The following SYT9 variants were observed in gnomAD, a reference collection of about 807,000 sequenced individuals.
SYT9 encodes synaptotagmin-9.
In SYT9, 22 loss-of-function variants were observed where a neutral mutation model predicts 48.4. That is an observed-to-expected ratio of 0.45 (90% confidence interval 0.32 to 0.65). SYT9 has a LOEUF of 0.65. Ranked by LOEUF, SYT9 falls within the 30% of genes least tolerant of loss-of-function variation. The pLI, the probability that SYT9 is intolerant of heterozygous loss-of-function variation, is 0.03. For synonymous variants in SYT9, 265 were observed against 245.0 expected (o/e 1.08, Z -0.76); for missense variants, 577 against 622.0 (o/e 0.93, Z 0.77).
chr11:7,350,915 A>C (rs1394687252), intron 3 of SYT9, among the ~76,000 whole-genome samples: 4 of 152,218 alleles, frequency 2.6e-5, no homozygotes, highest in African/African-American at 9.6e-5. Flanking sequence ...CCCTGATCCC[A>C]TTGCTCACTC....
At chr11:7,394,561 A>G (rs939538815) in intron 3 of SYT9, among the ~76,000 whole-genome samples, 1 of 152,040 alleles carries the variant, frequency 6.6e-6, no homozygotes, top group South Asian at 2.1e-4. Context: ...GCTTGTTTAG[A>G]TCCCTCTTTT....
chr11:7,405,583 C>T (rs928885955), intron 3 of SYT9, among the ~76,000 whole-genome samples: 2 of 152,146 alleles, frequency 1.3e-5, no homozygotes, highest in African/African-American at 2.4e-5. Flanking sequence ...TAGCTCCCAG[C>T]ATCTGGAAAA....
At chr11:7,375,956 C>T (rs988233311) in intron 3 of SYT9, among the ~76,000 whole-genome samples, 4 of 152,074 alleles carry the variant, frequency 2.6e-5, no homozygotes, top group East Asian at 1.9e-4. Flanking sequence ...CTTAGATCTT[C>T]GAGGTCTTCC....
exon 1 of SYT9, chr11:7,238,898 G>A (rs1847712292): frequency 4.4e-6 from 2 of 455,964 alleles, no homozygotes; most frequent in Non-Finnish European, 8.8e-6. Context: ...GGGAGATTTA[G>A]CTTTCAAAGG....
chr11:7,264,645 T>C (rs1158141801), intron 1 of SYT9, among the ~76,000 whole-genome samples: 1 of 152,006 alleles, frequency 6.6e-6, no homozygotes, highest in African/African-American at 2.4e-5. Flanking sequence ...AATGAGATGT[T>C]TGAAATCAAG....
upstream of SYT9, among the ~76,000 whole-genome samples, chr11:7,248,418 A>G (rs1161028254): frequency 2.0e-5 from 3 of 152,092 alleles, no homozygotes; most frequent in African/African-American, 7.2e-5. Flanking sequence ...CAATGTCTAG[A>G]AGAGTTTTTA....
At chr11:7,374,468 A>G (rs2881485) in intron 3 of SYT9, among the ~76,000 whole-genome samples, 62,200 of 151,998 alleles carry the variant, frequency 0.41, 13,480 homozygotes, top group African/African-American at 0.56. Context: ...TGGTATTTCT[A>G]GTTCTAGATC....
intron 3 of SYT9, among the ~76,000 whole-genome samples, chr11:7,394,779 A>G (rs1039001945): frequency 2.6e-5 from 4 of 152,014 alleles, no homozygotes; most frequent in Non-Finnish European, 5.9e-5. Context: ...CAGATTATTA[A>G]TTTGAGATTT....
At chr11:7,275,541 A>T (rs190406518) in intron 1 of SYT9, among the ~76,000 whole-genome samples, 3 of 152,100 alleles carry the variant, frequency 2.0e-5, no homozygotes, top group Admixed American at 1.3e-4. Context: ...CATTTTTTAT[A>T]TTACTGTGAC....
intron 6 of SYT9, among the ~76,000 whole-genome samples, chr11:7,452,068 G>A (rs966565962): frequency 6.1e-5 from 9 of 148,622 alleles, no homozygotes; most frequent in Non-Finnish European, 8.9e-5. Context: ...AGCAATCAAG[G>A]GTCACTAAGT....
At position 7,244,641 on chromosome 11, in the gene SYT9, G is replaced by A. The variant is rs148561964; in HGVS notation, c.49+5725G>A. 1.9e-3 allele frequency among the ~76,000 whole-genome samples: 283 copies of A among 152,308 alleles called. 2 individuals carry two copies. Among genetic ancestry groups the A allele is most frequent in the Middle Eastern group, 3.4e-3 (1 of 294 alleles). ...TGCTAATCACTAGGAGGTAGCATGGGTTCACTGAGAACCAGTCATGCTAAT... is the reference window on the plus strand; with the variant it reads ...TGCTAATCACTAGGAGGTAGCATGGATTCACTGAGAACCAGTCATGCTAAT... On this transcript the variant is annotated intron_variant and NMD_transcript_variant, in intron 1 of 8. Coordinates refer to the SYT9 transcript ENST00000524820.
intron 3 of SYT9, among the ~76,000 whole-genome samples, chr11:7,369,794 AACACACACACAC>A (rs58554896): frequency 2.1e-5 from 3 of 143,894 alleles, no homozygotes; most frequent in Non-Finnish European, 4.6e-5. Context: ...CACACACACA[AACACACACACAC>A]ACACACACAC....
chr11:7,389,297 G>C (rs192054202), intron 3 of SYT9, among the ~76,000 whole-genome samples: 83 of 152,196 alleles, frequency 5.5e-4, no homozygotes, highest in African/African-American at 1.9e-3. Context: ...ATATTGAGGA[G>C]ACTGGGGTAT....
intron 3 of SYT9, among the ~76,000 whole-genome samples, chr11:7,329,009 T>G (rs78070782): frequency 0.01 from 1,565 of 152,290 alleles, 32 homozygotes; most frequent in African/African-American, 0.036. Flanking sequence ...TTGATTATAG[T>G]ATGAATGGTG....
chr11:7,419,948 A>G (rs535796652), intron 5 of SYT9, among the ~76,000 whole-genome samples: 1 of 152,318 alleles, frequency 6.6e-6, no homozygotes, highest in Non-Finnish European at 1.5e-5. Context: ...ATCTTTCTAT[A>G]GTTGGGAAAC....
intron 2 of SYT9, among the ~76,000 whole-genome samples, chr11:7,308,337 G>A (rs937589982): frequency 6.6e-6 from 1 of 152,186 alleles, no homozygotes; most frequent in African/African-American, 2.4e-5. Flanking sequence ...TCACCTCTGA[G>A]GTGGGCCACT....
intron 3 of SYT9, among the ~76,000 whole-genome samples, chr11:7,348,165 A>C (rs974187251): frequency 6.6e-6 from 1 of 152,172 alleles, no homozygotes; most frequent in African/African-American, 2.4e-5. Context: ...ACATTCTCCT[A>C]GAAAAACTAC....
intron 3 of SYT9, among the ~76,000 whole-genome samples, chr11:7,410,965 C>G (rs927230864): frequency 2.0e-5 from 3 of 152,198 alleles, no homozygotes; most frequent in Non-Finnish European, 4.4e-5. Flanking sequence ...AGTGATTCTC[C>G]TGCCTCAGCC....
chr11:7,417,917 C>G, intron 4 of SYT9, 40 bp from the exon 5 acceptor site: 1 of 1,592,412 alleles, frequency 6.3e-7, no homozygotes, highest in East Asian at 2.2e-5. Context: ...TAAATCTATA[C>G]GTATCCTCAC....
Sources: allele counts gnomAD v4.1 joint callset (sites outside exome capture counted in the v4.1 genomes callset), GRCh38; gene constraint gnomAD v4.1.1; transcripts MANE v1.5; gene names NCBI Gene and HGNC (gene_info 2026-07-23, HGNC 2026-07-21).